Variants in ROBO2 observed in about 807,000 individuals in gnomAD.
The protein encoded by ROBO2 is roundabout homolog 2.
A neutral mutation model predicts 160.8 loss-of-function variants in ROBO2; 53 were observed. The ratio of observed to expected loss-of-function variants is 0.33; its 90% CI spans 0.26 to 0.41. The LOEUF is 0.41. Among genes scored for constraint, ROBO2 ranks in the 10% least tolerant of loss-of-function variants. The probability of loss-of-function intolerance (pLI) is 1.00; values close to 1 mark genes in which losing one functional copy is unlikely to be tolerated. For synonymous variants in ROBO2, 664 were observed against 611.7 expected, an observed-to-expected ratio of 1.09 and a Z score of -1.26; for missense variants, 1,577 against 1,722.4, an observed-to-expected ratio of 0.92 and a Z score of 1.49.
intron 1 of ROBO2, chr3:77,091,994 A>C (rs2070345936): frequency 7.4e-6 from 1 of 135,396 alleles, no homozygotes; most frequent in African/African-American, 3.5e-5. Context: ...TAAATAAATA[A>C]ATAAATAAAT....
At chr3:76,087,468 T>C (rs535503602) in intron 2 of ROBO2, among the ~76,000 whole-genome samples, 47 of 151,706 alleles carry the variant, frequency 3.1e-4, no homozygotes, top group Non-Finnish European at 4.7e-4. Flanking sequence ...TTCTCAAACA[T>C]AAATTGAGAG....
At chr3:77,385,204 T>C (rs557905987) in intron 2 of ROBO2, among the ~76,000 whole-genome samples, 1 of 152,106 alleles carries the variant, frequency 6.6e-6, no homozygotes, top group Non-Finnish European at 1.5e-5. Flanking sequence ...TAATTGTTTA[T>C]ATTTTTGGTA....
At chr3:76,124,786 T>C (rs1026181319) in intron 2 of ROBO2, among the ~76,000 whole-genome samples, 6 of 152,164 alleles carry the variant, frequency 3.9e-5, no homozygotes, top group Admixed American at 2.0e-4. Context: ...AGAGGAATTT[T>C]TGAAGTAACT....
chr3:76,631,723 G>C (rs1372911261), intron 2 of ROBO2, among the ~76,000 whole-genome samples: 1 of 152,082 alleles, frequency 6.6e-6, no homozygotes, highest in Non-Finnish European at 1.5e-5. Flanking sequence ...TGGCTATAGG[G>C]CATTGGAAAA....
At chr3:77,613,976 A>T (rs1222727407) in intron 21 of ROBO2, among the ~76,000 whole-genome samples, 4 of 152,178 alleles carry the variant, frequency 2.6e-5, no homozygotes, top group African/African-American at 9.6e-5. Flanking sequence ...AGCTTATTGG[A>T]AATAAGTTGG....
intron 2 of ROBO2, among the ~76,000 whole-genome samples, chr3:76,979,582 T>G (rs968090670): frequency 2.0e-5 from 3 of 151,384 alleles, no homozygotes; most frequent in Non-Finnish European, 4.4e-5. Context: ...TTGGGGTGTA[T>G]GTGTGTGTGT....
chr3:77,438,994 C>G (rs1321023746), intron 2 of ROBO2, among the ~76,000 whole-genome samples: 1 of 151,878 alleles, frequency 6.6e-6, no homozygotes, highest in Non-Finnish European at 1.5e-5. Flanking sequence ...AAAGAAATCT[C>G]ACTAGTTCAA....
chr3:76,396,337 C>T (rs2108698142), intron 2 of ROBO2, among the ~76,000 whole-genome samples: 1 of 152,182 alleles, frequency 6.6e-6, no homozygotes, highest in East Asian at 1.9e-4. Flanking sequence ...ATAATAAGAG[C>T]TATCTATGAC....
chr3:77,529,749 T>C (rs1287538354), intron 6 of ROBO2, among the ~76,000 whole-genome samples: 2 of 151,954 alleles, frequency 1.3e-5, no homozygotes, highest in African/African-American at 2.4e-5. Flanking sequence ...TGACACATTG[T>C]ACTTTATTCT....
At chr3:77,229,677 A>AG (rs1553858315) in intron 2 of ROBO2, among the ~76,000 whole-genome samples, 4 of 151,156 alleles carry the variant, frequency 2.6e-5, no homozygotes, top group Admixed American at 6.6e-5. Flanking sequence ...AAAAAAAAAA[A>AG]AGAGAGAGAA....
At chr3:76,311,247 G>A (rs898594508) in intron 2 of ROBO2, 1 of 152,142 alleles carries the variant, frequency 6.6e-6, no homozygotes, top group Non-Finnish European at 1.5e-5. Context: ...TAACCAGGAG[G>A]GAAGAGGATG....
At chr3:77,445,794 GTT>G (rs199914360) in intron 2 of ROBO2, among the ~76,000 whole-genome samples, 39,019 of 122,842 alleles carry the variant, frequency 0.32, 5,601 homozygotes, top group Middle Eastern at 0.42. Flanking sequence ...GTTTTTTTTT[GTT>G]TTTTTTTTTT....
chr3:76,484,477 G>C (rs2079383195), intron 2 of ROBO2, among the ~76,000 whole-genome samples: 1 of 152,160 alleles, frequency 6.6e-6, no homozygotes, highest in South Asian at 2.1e-4. Context: ...TGGGGAGTCG[G>C]CTATGCAGCA....
Position 76,013,607 on chromosome 3 carries a change from G to A in ROBO2, c.109+76005G>A, listed in dbSNP as rs188771879. 1.8e-4 allele frequency among the ~76,000 whole-genome samples: 27 copies of A among 151,788 alleles called. No homozygotes were observed. The East Asian group carries it at 3.9e-3, about 22-fold the overall frequency. On this transcript the variant is annotated intron_variant, in intron 2 of 26. Coordinates refer to the ROBO2 transcript ENST00000487694. Reference sequence around the variant, plus strand: ...GTGGTTTGTGCGTGTAATCCCAGAAGTAATATGTATAAAGGCATTTGGAGG... The same window carrying A: ...GTGGTTTGTGCGTGTAATCCCAGAAATAATATGTATAAAGGCATTTGGAGG...
chr3:76,394,804 A>G (rs1045074678), intron 2 of ROBO2, among the ~76,000 whole-genome samples: 2 of 152,182 alleles, frequency 1.3e-5, no homozygotes, highest in Admixed American at 1.3e-4. Context: ...CACCCAATAC[A>G]GGAGGACCCA....
At chr3:77,164,957 C>G (rs1316878931) in intron 2 of ROBO2, among the ~76,000 whole-genome samples, 5 of 148,734 alleles carry the variant, frequency 3.4e-5, no homozygotes, top group African/African-American at 4.9e-5. Flanking sequence ...GCCCCCCAAC[C>G]CGGCCAGCCG....
intron 2 of ROBO2, among the ~76,000 whole-genome samples, chr3:77,114,863 C>T (rs62251793): frequency 0.17 from 26,520 of 152,064 alleles, 3,851 homozygotes; most frequent in African/African-American, 0.4. Flanking sequence ...TTTACCAAAA[C>T]ATTTTCACCC....
Position 76,309,324 on chromosome 3 carries a change from C to G in ROBO2, c.109+371722C>G, listed in dbSNP as rs965442319. 3.9e-5 allele frequency among the ~76,000 whole-genome samples: 6 copies of G among 152,178 alleles called. No homozygotes were observed. In the South Asian group the frequency reaches 6.2e-4, roughly 16 times the overall value. On this transcript the variant is annotated intron_variant, in intron 2 of 26. Coordinates refer to the ROBO2 transcript ENST00000487694. ...GCAAAGACATGGAATTTTAAATTCA[C>G]TATTTATAAAATGGGCATAAGTTTT...
At chr3:76,798,178 A>AAGGGAG (rs2063861220) in intron 2 of ROBO2, among the ~76,000 whole-genome samples, 3 of 143,592 alleles carry the variant, frequency 2.1e-5, no homozygotes, top group Non-Finnish European at 4.7e-5. Context: ...AAGGGAGAGA[A>AAGGGAG]AGAAAGAAAG....
Sources: gnomAD v4.1 joint callset for allele counts (sites outside exome capture counted in the v4.1 genomes callset) on GRCh38, gnomAD v4.1.1 for gene constraint, MANE v1.5 for transcripts, NCBI Gene and HGNC (gene_info 2026-07-23, HGNC 2026-07-21) for gene names.